PRSS23: variants seen among roughly 807,000 people sequenced by gnomAD.
The protein encoded by PRSS23 is serine protease 23, also known as protease, serine 23.
In PRSS23, 25 loss-of-function variants were observed where a neutral mutation model predicts 34.7. That is an observed-to-expected ratio of 0.72 (90% CI 0.53 to 1.01). PRSS23 has a LOEUF of 1.01. Ranked by LOEUF, PRSS23 falls within the 50% of genes least tolerant of loss-of-function variation. The pLI, the probability that PRSS23 is intolerant of heterozygous loss-of-function variation, is 0.00. For missense variants in PRSS23, 445 were observed against 475.6 expected, an observed-to-expected ratio of 0.94 and a Z score of 0.60; for synonymous variants, 176 against 186.6, an observed-to-expected ratio of 0.94 and a Z score of 0.46.
intron 2 of PRSS23, among the ~76,000 whole-genome samples, chr11:86,862,917 C>T (rs907484985): frequency 1.3e-5 from 2 of 151,848 alleles, no homozygotes; most frequent in African/African-American, 4.8e-5. Context: ...AGAAGGTGTA[C>T]ACCCAGTGAT....
At chr11:86,917,283 C>T (rs1432734636) in intron 2 of PRSS23, among the ~76,000 whole-genome samples, 1 of 152,222 alleles carries the variant, frequency 6.6e-6, no homozygotes, top group Non-Finnish European at 1.5e-5. Context: ...TGTGCCATTG[C>T]ACTCCAGCCT....
intron 2 of PRSS23, among the ~76,000 whole-genome samples, chr11:86,943,780 G>A (rs1033719636): frequency 2.0e-5 from 3 of 152,018 alleles, no homozygotes; most frequent in Admixed American, 6.6e-5. Context: ...GTGTTGCTGC[G>A]ATGCCCAGGC....
chr11:86,803,115 C>T (rs191094283), intron 1 of PRSS23, among the ~76,000 whole-genome samples: 26 of 152,264 alleles, frequency 1.7e-4, no homozygotes, highest in Admixed American at 1.4e-3. Context: ...TGGTTGGAAA[C>T]CTTAAAAGAT....
chr11:86,823,571 G>A, exon 2 of PRSS23: 1 of 702,598 alleles, frequency 1.4e-6, no homozygotes, highest in Non-Finnish European at 2.6e-6. Flanking sequence ...TGCTTTCATG[G>A]AGTTCACAGA....
chr11:86,905,047 C>T (rs1283902957), intron 2 of PRSS23, among the ~76,000 whole-genome samples: 1 of 152,010 alleles, frequency 6.6e-6, no homozygotes, highest in Admixed American at 6.6e-5. Flanking sequence ...CAGAGTTAGA[C>T]CCTGTCTCAA....
At chr11:86,899,956 TA>T (rs1298144296) in intron 2 of PRSS23, among the ~76,000 whole-genome samples, 42 of 148,432 alleles carry the variant, frequency 2.8e-4, no homozygotes, top group Admixed American at 9.4e-4. Flanking sequence ...TAGTTGTCTT[TA>T]AAAAAAAAAA....
At chr11:86,949,306 C>T (rs1565396007) in intron 2 of PRSS23, 1 of 150,080 alleles carries the variant, frequency 6.7e-6, no homozygotes, top group Non-Finnish European at 1.5e-5. Context: ...GCATAAGGCT[C>T]AAACCAAATT....
At chr11:86,830,041 A>C (rs1948338601) in intron 2 of PRSS23, among the ~76,000 whole-genome samples, 1 of 152,192 alleles carries the variant, frequency 6.6e-6, no homozygotes, top group Non-Finnish European at 1.5e-5. Flanking sequence ...GGGACATTTA[A>C]GTCTGCAGAG....
intron 2 of PRSS23, chr11:86,933,006 G>A (rs763227962): frequency 5.3e-5 from 8 of 152,238 alleles, no homozygotes; most frequent in Non-Finnish European, 8.8e-5. Context: ...CTGAGGGTCA[G>A]TAACTGACTT....
intron 2 of PRSS23, among the ~76,000 whole-genome samples, chr11:86,853,805 T>C (rs1948548911): frequency 6.6e-6 from 1 of 152,204 alleles, no homozygotes; most frequent in Non-Finnish European, 1.5e-5. Flanking sequence ...ATACACTCCA[T>C]ACTATTTTCC....
intron 2 of PRSS23, among the ~76,000 whole-genome samples, chr11:86,895,594 C>A (rs971066394): frequency 8.0e-5 from 12 of 150,732 alleles, no homozygotes; most frequent in African/African-American, 2.7e-4. Context: ...ATCCTCCCAC[C>A]TCAGCCTCCT....
chr11:86,853,891 G>A (rs552325410), intron 2 of PRSS23, among the ~76,000 whole-genome samples: 1 of 152,098 alleles, frequency 6.6e-6, no homozygotes, highest in African/African-American at 2.4e-5. Flanking sequence ...ACCATTGCTT[G>A]TTTGTTTATC....
At chr11:86,874,856 A>T (rs942397533) in intron 2 of PRSS23, among the ~76,000 whole-genome samples, 1 of 152,182 alleles carries the variant, frequency 6.6e-6, no homozygotes, top group African/African-American at 2.4e-5. Context: ...AGTCATCTGG[A>T]GGCTTCTTCA....
chr11:86,879,639 T>C (rs1256236540), intron 2 of PRSS23, among the ~76,000 whole-genome samples: 1 of 116,086 alleles, frequency 8.6e-6, no homozygotes, highest in African/African-American at 3.2e-5. Context: ...GAGGAGCCCC[T>C]CTGCCCGGCC....
chr11:86,844,814 G>C (rs1322893685), intron 2 of PRSS23, among the ~76,000 whole-genome samples: 1 of 152,226 alleles, frequency 6.6e-6, no homozygotes, highest in Non-Finnish European at 1.5e-5. Context: ...GTTGGGCTGG[G>C]CATGGCGGCT....
chr11:86,882,817 C>T lies in PRSS23; in HGVS notation c.206+59224C>T, dbSNP rs185263083. On this transcript the variant is annotated intron_variant, in intron 2 of 2. Coordinates refer to the PRSS23 transcript ENST00000533902. ...TGGTTGAACTAATTTACACTCCTACCGACAGTGTGTAAGTGTTCCTTTTTC... is the reference window on the plus strand; with the variant it reads ...TGGTTGAACTAATTTACACTCCTACTGACAGTGTGTAAGTGTTCCTTTTTC... 9.2e-5 allele frequency among the ~76,000 whole-genome samples: 14 copies of T among 152,248 alleles called. No individual in the cohort carries two copies. In the East Asian group the frequency reaches 2.7e-3, roughly 29 times the overall value.
chr11:86,891,794 G>C (rs983928651), intron 2 of PRSS23, among the ~76,000 whole-genome samples: 20 of 152,042 alleles, frequency 1.3e-4, no homozygotes, highest in African/African-American at 4.6e-4. Flanking sequence ...GCTAGTGAGT[G>C]AGTTCTCACG....
intron 2 of PRSS23, among the ~76,000 whole-genome samples, chr11:86,899,577 C>T (rs937880253): frequency 1.3e-5 from 2 of 151,256 alleles, no homozygotes; most frequent in Non-Finnish European, 2.9e-5. Flanking sequence ...TGCAGTGGCA[C>T]GATCTTGGCT....
rs532097994 is a variant in PRSS23 at position 86,893,735 on chromosome 11, A to T, written c.207-57481A>T. Among the ~76,000 whole-genome samples, 257 of 152,240 alleles carry T rather than the reference A, an allele frequency of 1.7e-3. 1 individual carries two copies. The highest frequency in any genetic ancestry group is 3.0e-3 in the Non-Finnish European group (206 of 68,010). On this transcript the variant is annotated intron_variant, in intron 2 of 2. Transcript: ENST00000533902. ...TAAAAGTATATTCTTCTTGTTAAAAATTTTTTTTAAATAAAGGTAAATTAT... is the reference window on the plus strand; with the variant it reads ...TAAAAGTATATTCTTCTTGTTAAAATTTTTTTTTAAATAAAGGTAAATTAT...
Sources: allele counts gnomAD v4.1 joint callset (sites outside exome capture counted in the v4.1 genomes callset), GRCh38; gene constraint gnomAD v4.1.1; transcripts MANE v1.5; gene names NCBI Gene and HGNC (gene_info 2026-07-23, HGNC 2026-07-21).